LRRTM4: variants seen among roughly 807,000 people sequenced by gnomAD.
LRRTM4 encodes leucine-rich repeat transmembrane neuronal protein 4.
Under a neutral mutation model 47.6 loss-of-function variants are expected in LRRTM4, and 25 were observed. The ratio of observed to expected loss-of-function variants is 0.53; its 90% CI spans 0.38 to 0.73. LRRTM4 has a LOEUF of 0.73. Ranked by LOEUF, LRRTM4 falls within the 30% of genes least tolerant of loss-of-function variation. LRRTM4 has a pLI of 0.00. For synonymous variants in LRRTM4, 311 were observed against 269.5 expected, an observed-to-expected ratio of 1.15 and a Z score of -1.51; for missense variants, 638 against 713.4, an observed-to-expected ratio of 0.89 and a Z score of 1.20.
intron 3 of LRRTM4, among the ~76,000 whole-genome samples, chr2:77,318,374 T>A (rs1245724884): frequency 6.6e-6 from 1 of 152,186 alleles, no homozygotes; most frequent in Non-Finnish European, 1.5e-5. Flanking sequence ...ACATATTTTT[T>A]AAATTGTTAG....
chr2:77,402,201 A>G lies in LRRTM4; in HGVS notation c.1551+116117T>C, dbSNP rs529708291. Among the ~76,000 whole-genome samples, 223 of 152,058 alleles carry G rather than the reference A, an allele frequency of 1.5e-3. 3 individuals are homozygous for G. In the South Asian group the frequency reaches 0.031, roughly 21 times the overall value. On this transcript the variant is annotated intron_variant, in intron 3 of 3. Transcript: ENST00000409884. Reference sequence around the variant, plus strand: ...CGCTATGTCACCCAGGCTGGAGTGCAGTGATGTGATTATAGGTTCCTGCAG... The same window carrying G: ...CGCTATGTCACCCAGGCTGGAGTGCGGTGATGTGATTATAGGTTCCTGCAG...
chr2:76,811,147 T>C (rs1670720176), intron 3 of LRRTM4, among the ~76,000 whole-genome samples: 1 of 152,154 alleles, frequency 6.6e-6, no homozygotes, highest in Non-Finnish European at 1.5e-5. Context: ...CCCTGGAATT[T>C]CCATAGTTAA....
At chr2:77,363,259 T>G (rs1044642211) in intron 3 of LRRTM4, among the ~76,000 whole-genome samples, 2 of 152,210 alleles carry the variant, frequency 1.3e-5, no homozygotes, top group Non-Finnish European at 2.9e-5. Context: ...TAATATGTAG[T>G]TGTCATTGGC....
At chr2:76,841,836 T>A (rs920298559) in intron 3 of LRRTM4, among the ~76,000 whole-genome samples, 4 of 152,090 alleles carry the variant, frequency 2.6e-5, no homozygotes, top group African/African-American at 9.7e-5. Flanking sequence ...AACTAAAGAT[T>A]TTTTAAAAAG....
At chr2:77,292,398 A>G (rs369869023) in intron 3 of LRRTM4, among the ~76,000 whole-genome samples, 5 of 151,686 alleles carry the variant, frequency 3.3e-5, no homozygotes, top group East Asian at 1.9e-4. Flanking sequence ...ACATGCACAC[A>G]TATGTTTATT....
chr2:77,316,815 A>G (rs67591770), intron 3 of LRRTM4, among the ~76,000 whole-genome samples: 36,014 of 151,998 alleles, frequency 0.24, 4,881 homozygotes, highest in East Asian at 0.42. Flanking sequence ...CAAAACGATG[A>G]GATTATATGC....
At chr2:76,841,776 A>C (rs1234822869) in intron 3 of LRRTM4, among the ~76,000 whole-genome samples, 1 of 152,076 alleles carries the variant, frequency 6.6e-6, no homozygotes, top group Non-Finnish European at 1.5e-5. Context: ...AAGAAGGCAA[A>C]ATAAATAACC....
chr2:77,457,042 AT>A (rs1676586539), intron 3 of LRRTM4, among the ~76,000 whole-genome samples: 2 of 22,928 alleles, frequency 8.7e-5, no homozygotes, highest in Non-Finnish European at 2.0e-4. Context: ...ATATATATAT[AT>A]ATATATATGT....
chr2:77,518,419 ACTC>A lies in LRRTM4; in HGVS notation c.1447_1449del (p.Glu483del). 6.2e-7 allele frequency: 1 copy of A among 1,612,858 alleles called. No individual in the cohort carries two copies. The highest frequency in any genetic ancestry group is 8.5e-7 in the Non-Finnish European group (1 of 1,179,450). The stretch of plus-strand genomic sequence containing the variant: ...TTTGTAGGCTTGTAGTCCACATAAT[ACTC>A]CTGTAAAGGGGAATTCATTTGTCTT... On this transcript the variant is annotated inframe_deletion, in exon 3 of 4. Coordinates refer to ENST00000409884, the MANE Select transcript of LRRTM4 (RefSeq NM_001134745.3).
intron 3 of LRRTM4, among the ~76,000 whole-genome samples, chr2:77,073,174 AGT>A (rs1432565906): frequency 2.0e-5 from 3 of 150,904 alleles, no homozygotes; most frequent in African/African-American, 4.9e-5. Context: ...CTGGTTCTTC[AGT>A]GTTTTTTTTT....
In LRRTM4 at chr2:77,213,979, A is replaced by C. The variant is rs79635433; in HGVS notation, c.1551+304339T>G. Among the ~76,000 whole-genome samples the C allele has an allele frequency of 4.3e-3, 657 of 152,196 alleles. 4 individuals are homozygous for C. The highest frequency in any genetic ancestry group is 0.031 in the South Asian group (151 of 4,812). ...AACAAACAAACAAAAGAAAAAAAAAACACTGTATCCTGAGCCCTAGAAGAA... is the reference window on the plus strand; with the variant it reads ...AACAAACAAACAAAAGAAAAAAAAACCACTGTATCCTGAGCCCTAGAAGAA... On this transcript the variant is annotated intron_variant, in intron 3 of 3. Coordinates refer to ENST00000409884, the MANE Select transcript of LRRTM4 (RefSeq NM_001134745.3).
intron 3 of LRRTM4, among the ~76,000 whole-genome samples, chr2:77,388,576 T>A (rs1201278207): frequency 6.6e-6 from 1 of 152,178 alleles, no homozygotes; most frequent in Non-Finnish European, 1.5e-5. Context: ...TAGGATAGTT[T>A]ATGAAGTATT....
intron 3 of LRRTM4, among the ~76,000 whole-genome samples, chr2:77,308,507 AGT>A (rs1338509882): frequency 3.9e-5 from 6 of 152,202 alleles, no homozygotes; most frequent in Non-Finnish European, 8.8e-5. Flanking sequence ...TCCTCATGTG[AGT>A]TTTGTAGATA....
intron 3 of LRRTM4, among the ~76,000 whole-genome samples, chr2:76,827,776 G>A (rs539805163): frequency 9.9e-5 from 15 of 151,838 alleles, no homozygotes; most frequent in South Asian, 4.1e-4. Flanking sequence ...GATACTACGT[G>A]CTTATGGTTG....
rs1026482734 is a variant in LRRTM4, at chr2:77,157,891, A to G, written c.1551+360427T>C. The stretch of plus-strand genomic sequence containing the variant: ...TCAGCAGACTCCAGACTGTGAAACT[A>G]CAGGTCAAACAGCTCGAGTGAGTTC... On this transcript the variant is annotated intron_variant, in intron 3 of 3. Coordinates refer to ENST00000409884, the MANE Select transcript of LRRTM4 (RefSeq NM_001134745.3). 3.9e-5 allele frequency among the ~76,000 whole-genome samples: 6 copies of G among 152,290 alleles called. 1 individual carries two copies. Among genetic ancestry groups the G allele is most frequent in the South Asian group, 4.1e-4 (2 of 4,832 alleles).
At chr2:77,139,071 T>C (rs890721021) in intron 3 of LRRTM4, among the ~76,000 whole-genome samples, 1 of 152,168 alleles carries the variant, frequency 6.6e-6, no homozygotes, top group African/African-American at 2.4e-5. Flanking sequence ...CCATTTCTTC[T>C]GAAACTATTC....
At chr2:77,488,959 C>G (rs569675690) in intron 3 of LRRTM4, among the ~76,000 whole-genome samples, 1 of 151,338 alleles carries the variant, frequency 6.6e-6, no homozygotes, top group Non-Finnish European at 1.5e-5. Context: ...TGTAACAAAC[C>G]TGCACATAGT....
At chr2:76,999,447 A>G (rs1677330921) in intron 3 of LRRTM4, among the ~76,000 whole-genome samples, 1 of 131,890 alleles carries the variant, frequency 7.6e-6, no homozygotes, top group African/African-American at 3.7e-5. Context: ...AAGGAAACAA[A>G]ACAAAAAAAA....
chr2:76,847,780 T>C (rs978552821), intron 3 of LRRTM4, among the ~76,000 whole-genome samples: 11 of 152,122 alleles, frequency 7.2e-5, no homozygotes, highest in Non-Finnish European at 1.5e-4. Flanking sequence ...TAACCATTTG[T>C]AAAGTTTCAA....
Sources: allele counts gnomAD v4.1 joint callset (sites outside exome capture counted in the v4.1 genomes callset), GRCh38; gene constraint gnomAD v4.1.1; transcripts MANE v1.5; gene names NCBI Gene and HGNC (gene_info 2026-07-23, HGNC 2026-07-21).